The following CEP76 variants were observed in gnomAD, a reference collection of about 807,000 sequenced individuals.
CEP76 encodes the protein centrosomal protein 76, also known as centrosomal protein of 76 kDa.
Under a neutral mutation model 83.3 loss-of-function variants are expected in CEP76, and 55 were observed. That is an observed-to-expected ratio of 0.66 (90% confidence interval 0.53 to 0.83). CEP76 has a LOEUF of 0.83. CEP76 is among the 40% of genes least tolerant of loss of function. CEP76 has a pLI of 0.00. For missense variants in CEP76, 694 were observed against 799.5 expected, an observed-to-expected ratio of 0.87 and a Z score of 1.59; for synonymous variants, 270 against 274.5, an observed-to-expected ratio of 0.98 and a Z score of 0.16.
In CEP76 at chr18:12,680,724, T is replaced by C. The variant is rs1400765866; in HGVS notation, c.1227A>G (p.Ala409=). The change falls in exon 9 of 12, where the codon GCA becomes GCG. Residue 409 remains alanine, a synonymous_variant. Coordinates refer to ENST00000262127, the MANE Select transcript of CEP76 (RefSeq NM_024899.4). ...CATCAGTTCCACAAGTCATAACCCA[T>C]GCATGAGGTACTCCTTTTGCCTTGG... ...VGTKAKGVPH[A]WVMTCGTDGA... The C allele has an allele frequency of 1.9e-6, 3 of 1,613,760 alleles. No individual in the cohort carries two copies. The highest frequency in any genetic ancestry group is 2.2e-5 in the South Asian group (2 of 91,068).
chr18:12,664,885 G>C (rs2038773364), intron 12 of CEP76, among the ~76,000 whole-genome samples: 1 of 146,828 alleles, frequency 6.8e-6, no homozygotes. Flanking sequence ...TTTTAGTAGA[G>C]ACAGGGTTTC....
chr18:12,684,641 T>C (rs2039474771), intron 8 of CEP76: 1 of 151,778 alleles, frequency 6.6e-6, no homozygotes, highest in Non-Finnish European at 1.5e-5. Flanking sequence ...CCACCATGGC[T>C]GGCTAATTTT....
rs781753416 is a variant in CEP76, at chr18:12,680,756, CACAA to C, written c.1191_1194del (p.Cys398LeufsTer14). On this transcript the variant is annotated frameshift_variant, in exon 9 of 12. Coordinates refer to ENST00000262127, the MANE Select transcript of CEP76 (RefSeq NM_024899.4). LOFTEE classifies it high-confidence loss of function. ...GGTACTCCTTTTGCCTTGGTCCCAA[CACAA>C]ACAAAGGCTTCTAATCCATATCCAA... 8 of 1,613,660 alleles carry C rather than the reference CACAA, an allele frequency of 5.0e-6. No individual in the cohort carries two copies. The highest frequency in any genetic ancestry group is 1.7e-5 in the Admixed American group (1 of 59,960).
intron 5 of CEP76, among the ~76,000 whole-genome samples, chr18:12,696,433 G>A (rs747269384): frequency 1.4e-4 from 22 of 152,084 alleles, no homozygotes; most frequent in South Asian, 6.2e-4. Flanking sequence ...AACCCAGGAG[G>A]CGGGGGTTGC....
chr18:12,680,852 T>C (rs368605554), intron 8 of CEP76, 24 bp from the exon 9 acceptor site: 16 of 1,576,116 alleles, frequency 1.0e-5, no homozygotes, highest in Middle Eastern at 1.7e-4. Context: ...TAAAATGAAG[T>C]ATTCATTCTT....
At chr18:12,671,909 C>CATCACAA (rs2038957482), downstream of CEP76, among the ~76,000 whole-genome samples, 1 of 152,134 alleles carries the variant, frequency 6.6e-6, no homozygotes, top group South Asian at 2.1e-4. Flanking sequence ...CAACCTCCGC[C>CATCACAA]TCCCAGGTTC....
At position 12,687,367 on chromosome 18, in the gene CEP76, TGAGA is replaced by T. The variant is rs1249157692; in HGVS notation, c.934-921_934-918del. Among the ~76,000 whole-genome samples, 11 of 152,086 alleles carry T rather than the reference TGAGA, an allele frequency of 7.2e-5. No individual in the cohort carries two copies. In the South Asian group the frequency reaches 1.7e-3, roughly 23 times the overall value. On this transcript the variant is annotated intron_variant, in intron 7 of 11. Transcript: ENST00000262127. ...CTCACTTATTTACATTTGATTATAATGAGAAAGATCATTAATTTTTATGTTGCAG... is the reference window on the plus strand; with the variant it reads ...CTCACTTATTTACATTTGATTATAATAAGATCATTAATTTTTATGTTGCAG...
At chr18:12,664,507 G>A (rs1405423426) in intron 12 of CEP76, among the ~76,000 whole-genome samples, 1 of 151,790 alleles carries the variant, frequency 6.6e-6, no homozygotes, top group Non-Finnish European at 1.5e-5. Flanking sequence ...CCAAGATCAC[G>A]CCATTGCACT....
intron 9 of CEP76, among the ~76,000 whole-genome samples, chr18:12,679,826 G>A (rs2039281074): frequency 1.3e-5 from 2 of 152,072 alleles, no homozygotes; most frequent in African/African-American, 2.4e-5. Context: ...ACTTTGGAAG[G>A]CCGTGGCAGG....
chr18:12,688,238 A>G (rs994031171), intron 7 of CEP76, among the ~76,000 whole-genome samples: 2 of 151,916 alleles, frequency 1.3e-5, no homozygotes, highest in African/African-American at 4.8e-5. Context: ...CAAAAAAAAA[A>G]AAAAAAAAAC....
chr18:12,668,981 C>G (rs1187804669), downstream of CEP76, among the ~76,000 whole-genome samples: 1 of 145,780 alleles, frequency 6.9e-6, no homozygotes, highest in African/African-American at 2.5e-5. Context: ...TCCAGGTGAT[C>G]TGCCTGCCTC....
At chr18:12,668,274 T>C (rs147204977), downstream of CEP76, among the ~76,000 whole-genome samples, 4 of 146,986 alleles carry the variant, frequency 2.7e-5, no homozygotes, top group Non-Finnish European at 4.5e-5. Flanking sequence ...CTCCCCCAAC[T>C]CCTCCCACCG....
chr18:12,698,466 G>C (rs894265994), intron 4 of CEP76, among the ~76,000 whole-genome samples: 1 of 152,042 alleles, frequency 6.6e-6, no homozygotes, highest in African/African-American at 2.4e-5. Context: ...ACCACACCCA[G>C]CCTATTTTTT....
chr18:12,665,723 G>C (rs1245509188), intron 12 of CEP76, among the ~76,000 whole-genome samples: 1 of 152,056 alleles, frequency 6.6e-6, no homozygotes, highest in African/African-American at 2.4e-5. Context: ...TTGAGACAGA[G>C]TCTTGCTCTT....
At chr18:12,668,883 G>A (rs1262299016), downstream of CEP76, among the ~76,000 whole-genome samples, 1 of 150,700 alleles carries the variant, frequency 6.6e-6, no homozygotes, top group Non-Finnish European at 1.5e-5. Context: ...TGGGATTACA[G>A]GTGTGGGCTA....
Position 12,673,409 on chromosome 18 carries a change from C to T in CEP76, c.1936G>A (p.Ala646Thr). Residue 646 changes from alanine (A) to threonine (T), a missense_variant, in exon 12 of 12, where the codon GCT becomes ACT. Ala to Thr is a moderately conservative substitution (Grantham distance 58). Coordinates refer to ENST00000262127, the MANE Select transcript of CEP76 (RefSeq NM_024899.4). ...TTACAAGCAAACATGATCCAAACAG[C>T]ACATGCAGATTCAGGGTAAGTAAAT... ...RVFTYPESAC[A>T]VWIMFACKYR... The T allele has an allele frequency of 6.2e-7, 1 of 1,606,894 alleles. No homozygotes were observed. Among genetic ancestry groups the T allele is most frequent in the Non-Finnish European group, 8.5e-7 (1 of 1,177,626 alleles).
chr18:12,675,740 C>T (rs2039102557), intron 10 of CEP76, among the ~76,000 whole-genome samples: 1 of 152,004 alleles, frequency 6.6e-6, no homozygotes. Context: ...GCGATCTCGG[C>T]TCACTGCAAC....
downstream of CEP76, among the ~76,000 whole-genome samples, chr18:12,668,734 C>CTTTT (rs543253434): frequency 3.6e-4 from 35 of 96,734 alleles, no homozygotes; most frequent in African/African-American, 5.5e-4. Flanking sequence ...CACTTTATTC[C>CTTTT]TTTTTTTTTT....
In CEP76 at chr18:12,681,379, T is replaced by G. The variant is rs537936159; in HGVS notation, c.1123-551A>C. Among the ~76,000 whole-genome samples the G allele has an allele frequency of 2.0e-5, 3 of 151,308 alleles. No homozygotes were observed. The South Asian group carries it at 6.3e-4, about 32-fold the overall frequency. ...TCCCCATCTCAGCCTCCCAAGTAGC[T>G]GGGACTAAAGGTGTGCACCATGACA... On this transcript the variant is annotated intron_variant, in intron 8 of 11. Coordinates refer to ENST00000262127, the MANE Select transcript of CEP76 (RefSeq NM_024899.4).
Sources: gnomAD v4.1 joint callset for allele counts (sites outside exome capture counted in the v4.1 genomes callset) on GRCh38, gnomAD v4.1.1 for gene constraint, MANE v1.5 for transcripts, NCBI Gene and HGNC (gene_info 2026-07-23, HGNC 2026-07-21) for gene names.